Variants in LAMA3 observed in about 807,000 individuals in gnomAD.
LAMA3 encodes the protein laminin subunit alpha 3.
LAMA3 carries 281 observed loss-of-function variants against 402.0 expected under a neutral mutation model. That is an observed-to-expected ratio of 0.70 (90% confidence interval 0.63 to 0.77). LAMA3 has a LOEUF of 0.77. Among genes scored for constraint, LAMA3 ranks in the 30% least tolerant of loss-of-function variants. LAMA3 has a pLI of 0.00. For synonymous variants in LAMA3, 1,431 were observed against 1,558.4 expected (o/e 0.92, Z 1.93); for missense variants, 3,840 against 4,215.5 (o/e 0.91, Z 2.47).
At chr18:23,730,274 T>G (rs969352294) in intron 2 of LAMA3, among the ~76,000 whole-genome samples, 3 of 152,154 alleles carry the variant, frequency 2.0e-5, no homozygotes, top group African/African-American at 7.2e-5. Context: ...TCCTTTTTTT[T>G]GTTTTTGATT....
At chr18:23,873,168 G>A (rs1180143063) in intron 38 of LAMA3, 2 of 1,614,098 alleles carry the variant, frequency 1.2e-6, no homozygotes, top group Non-Finnish European at 1.7e-6. Flanking sequence ...TCAGCCTCCC[G>A]GTCAAAGTCA....
intron 28 of LAMA3, 30 bp downstream of exon 28, chr18:23,842,551 T>A: frequency 6.2e-7 from 1 of 1,614,244 alleles, no homozygotes; most frequent in Non-Finnish European, 8.5e-7. Flanking sequence ...CCCTGCTGCC[T>A]GCCTCAGGCT....
intron 35 of LAMA3, among the ~76,000 whole-genome samples, chr18:23,863,998 A>T (rs1228102517): frequency 1.3e-5 from 2 of 152,170 alleles, no homozygotes; most frequent in Non-Finnish European, 2.9e-5. Flanking sequence ...AATTTGGGAA[A>T]TGTTCACCAT....
intron 8 of LAMA3, among the ~76,000 whole-genome samples, chr18:23,769,123 T>G (rs750514542): frequency 6.6e-6 from 1 of 152,216 alleles, no homozygotes; most frequent in Non-Finnish European, 1.5e-5. Flanking sequence ...TCTGTACATG[T>G]ACCCCCTGAA....
At chr18:23,793,372 G>A (rs2062699569) in intron 12 of LAMA3, among the ~76,000 whole-genome samples, 3 of 152,182 alleles carry the variant, frequency 2.0e-5, no homozygotes, top group South Asian at 2.1e-4. Flanking sequence ...GCCCCAAGAT[G>A]TCAAAGCATC....
intron 7 of LAMA3, among the ~76,000 whole-genome samples, chr18:23,762,917 C>T (rs914062524): frequency 6.0e-5 from 9 of 151,254 alleles, no homozygotes; most frequent in Non-Finnish European, 1.2e-4. Context: ...AGTGCAGTGG[C>T]GAGATCTTGG....
chr18:23,832,103 G>A (rs991305980), intron 23 of LAMA3, among the ~76,000 whole-genome samples: 4 of 152,178 alleles, frequency 2.6e-5, no homozygotes, highest in African/African-American at 9.7e-5. Context: ...ATAATTTAGA[G>A]TGGAAAGAGT....
At chr18:23,816,990 G>A (rs193075360) in intron 18 of LAMA3, among the ~76,000 whole-genome samples, 4 of 152,316 alleles carry the variant, frequency 2.6e-5, no homozygotes, top group Middle Eastern at 6.8e-3. Context: ...ACACCCAGGT[G>A]CCTGGGCTAA....
At chr18:23,834,013 C>T in intron 24 of LAMA3, 25 bp downstream of exon 24, 1 of 1,613,588 alleles carries the variant, frequency 6.2e-7, no homozygotes, top group South Asian at 1.1e-5. Context: ...CAAGGGAATT[C>T]CTCTGTAAAG....
At position 23,839,673 on chromosome 18, in the gene LAMA3, T is replaced by C. The variant is rs2063655860; in HGVS notation, c.3192-112T>C. 3 of 1,105,008 alleles carry C rather than the reference T, an allele frequency of 2.7e-6. No homozygotes were observed. Among genetic ancestry groups the C allele is most frequent in the South Asian group, 1.3e-5 (1 of 78,234 alleles). The allele number at this position is 1,105,008 out of a possible 1,614,324, so 68.5% of individuals were successfully genotyped here. A position where few individuals can be genotyped will look rare whatever the true frequency, so the allele number is the denominator to read the frequency against. On this transcript the variant is annotated intron_variant, in intron 26 of 74. Transcript: ENST00000313654. This position sits in a 1 kb window ranked among gnomAD's most constrained non-coding sequence, Gnocchi z 4.5. The stretch of plus-strand genomic sequence containing the variant: ...GTTCTGTGCTTCCCCCAGCACTGGA[T>C]CCTTTTGATGCCCATGCAGTCCTAT...
intron 8 of LAMA3, among the ~76,000 whole-genome samples, chr18:23,770,995 T>C (rs760888322): frequency 6.6e-5 from 10 of 151,228 alleles, no homozygotes; most frequent in Non-Finnish European, 1.3e-4. Context: ...TACAACTACT[T>C]TGGGAAAACG....
intron 2 of LAMA3, among the ~76,000 whole-genome samples, chr18:23,739,979 G>A (rs12454479): frequency 0.075 from 11,371 of 152,152 alleles, 518 homozygotes; most frequent in East Asian, 0.19. Context: ...TGTAAAGTTC[G>A]TCAGACACAT....
At chr18:23,873,578 C>CG (rs539676102) in intron 38 of LAMA3, among the ~76,000 whole-genome samples, 9 of 152,122 alleles carry the variant, frequency 5.9e-5, no homozygotes, top group East Asian at 3.9e-4. Flanking sequence ...AATTTACCCA[C>CG]GGGGGGGAGA....
chr18:23,765,245 A>T (rs564998993), intron 8 of LAMA3, among the ~76,000 whole-genome samples: 1 of 152,210 alleles, frequency 6.6e-6, no homozygotes, highest in Non-Finnish European at 1.5e-5. Context: ...GGACAACTCC[A>T]ACTTGTGGAA....
At chr18:23,709,782 T>G (rs2060955465) in intron 1 of LAMA3, 1 of 604,230 alleles carries the variant, frequency 1.7e-6, no homozygotes, top group Non-Finnish European at 3.1e-6. Flanking sequence ...TCTTTCTTTC[T>G]TTCTTTTTTT....
Position 23,838,860 on chromosome 18 carries a change from G to A in LAMA3, c.3173G>A (p.Gly1058Glu), listed in dbSNP as rs546055094. The A allele has an allele frequency of 4.4e-6, 7 of 1,606,412 alleles. No homozygotes were observed. The South Asian group carries it at 5.5e-5, about 13-fold the overall frequency. The change falls in exon 26 of 75, where the codon GGG becomes GAG. Residue 1058 changes from glycine (G) to glutamate (E), a missense_variant. Coordinates refer to ENST00000313654, the MANE Select transcript of LAMA3 (RefSeq NM_198129.4). ...CAAGTCCACTGCATTGCCAGTTATG[G>A]GCGATTTGTCAATCAAAGGTAATGT... ...RPQVHCIASY[G>E]RFVNQSATCV...
chr18:23,830,986 A>G (rs2063480243), intron 23 of LAMA3, among the ~76,000 whole-genome samples: 1 of 152,206 alleles, frequency 6.6e-6, no homozygotes, highest in Admixed American at 6.5e-5. Context: ...ATCTAATTGC[A>G]TAAGCCAAAA....
At chr18:23,912,082 A>G (rs1474053408) in intron 55 of LAMA3, among the ~76,000 whole-genome samples, 4 of 146,320 alleles carry the variant, frequency 2.7e-5, no homozygotes, top group Non-Finnish European at 6.0e-5. Flanking sequence ...TATATTTAAT[A>G]TATAAATGCA....
chr18:23,850,136 TG>T (rs2063910865), intron 32 of LAMA3, among the ~76,000 whole-genome samples: 1 of 152,204 alleles, frequency 6.6e-6, no homozygotes. Context: ...CTAGAGTTTA[TG>T]AGAAAAAGGA....
Sources: allele counts gnomAD v4.1 joint callset (sites outside exome capture counted in the v4.1 genomes callset), GRCh38; gene constraint gnomAD v4.1.1; non-coding constraint Gnocchi (gnomAD v3.1); transcripts MANE v1.5; gene names NCBI Gene and HGNC (gene_info 2026-07-23, HGNC 2026-07-21).